The following ARHGAP32 variants were observed in gnomAD, a reference collection of about 807,000 sequenced individuals.
ARHGAP32 encodes Rho GTPase activating protein 32.
In ARHGAP32, 51 loss-of-function variants were observed where a neutral mutation model predicts 186.5. The ratio of observed to expected loss-of-function variants is 0.27; its 90% confidence interval spans 0.22 to 0.35. ARHGAP32 has a LOEUF of 0.35. ARHGAP32 is among the 10% of genes least tolerant of loss of function. The pLI is 1.00. For missense variants in ARHGAP32, 2,186 were observed against 2,623.5 expected (o/e 0.83, Z 3.64); for synonymous variants, 950 against 964.3 (o/e 0.99, Z 0.27).
chr11:129,139,704 C>T (rs777016614), intron 2 of ARHGAP32, among the ~76,000 whole-genome samples: 34 of 152,224 alleles, frequency 2.2e-4, no homozygotes, highest in Non-Finnish European at 2.2e-4. Context: ...ACATGACTTG[C>T]TCCTCCTTGC....
At chr11:129,016,010 T>C (rs1378039282) in intron 11 of ARHGAP32, among the ~76,000 whole-genome samples, 1 of 152,256 alleles carries the variant, frequency 6.6e-6, no homozygotes, top group East Asian at 1.9e-4. Flanking sequence ...TTTATCAATA[T>C]ACACTCTAAT....
chr11:129,223,711 G>C (rs1416768101), intron 1 of ARHGAP32, among the ~76,000 whole-genome samples: 1 of 152,154 alleles, frequency 6.6e-6, no homozygotes, highest in Admixed American at 6.6e-5. Flanking sequence ...GTAAAAGACA[G>C]CTGATCCACA....
chr11:129,001,434 T>G (rs1273846318), intron 11 of ARHGAP32, among the ~76,000 whole-genome samples: 1 of 152,244 alleles, frequency 6.6e-6, no homozygotes, highest in African/African-American at 2.4e-5. Context: ...AATGGCTATT[T>G]GGATCTTTTG....
At chr11:129,063,089 G>C (rs1411983898) in intron 9 of ARHGAP32, among the ~76,000 whole-genome samples, 1 of 134,594 alleles carries the variant, frequency 7.4e-6, no homozygotes, top group Admixed American at 7.2e-5. Context: ...ATAAAACATA[G>C]TTAAGAACTT....
intron 10 of ARHGAP32, among the ~76,000 whole-genome samples, chr11:129,055,236 T>C (rs763845011): frequency 2.6e-5 from 4 of 152,244 alleles, no homozygotes; most frequent in Admixed American, 1.3e-4. Context: ...ACTAACTTTA[T>C]GTGTTGGACC....
intron 1 of ARHGAP32, among the ~76,000 whole-genome samples, chr11:129,263,935 T>C (rs1275148105): frequency 6.6e-6 from 1 of 152,188 alleles, no homozygotes; most frequent in Admixed American, 6.5e-5. Flanking sequence ...GGTATTTGCA[T>C]ACTCATGTTC....
chr11:129,043,606 G>A (rs765805896), intron 10 of ARHGAP32, among the ~76,000 whole-genome samples: 36 of 151,754 alleles, frequency 2.4e-4, no homozygotes, highest in Non-Finnish European at 1.5e-4. Context: ...CAGGCTGGTC[G>A]TGAACTCCCA....
At chr11:129,207,429 T>C (rs1944528109) in intron 1 of ARHGAP32, among the ~76,000 whole-genome samples, 1 of 152,230 alleles carries the variant, frequency 6.6e-6, no homozygotes. Flanking sequence ...ATGATCGCCA[T>C]TCTAACTAGC....
intron 11 of ARHGAP32, among the ~76,000 whole-genome samples, chr11:129,016,999 T>C (rs1271692832): frequency 1.3e-5 from 2 of 152,218 alleles, no homozygotes; most frequent in Non-Finnish European, 2.9e-5. Flanking sequence ...CTAAATTACA[T>C]TTTCTAATCA....
Position 129,032,327 on chromosome 11 carries a change from C to T in ARHGAP32, c.1045+8601G>A, listed in dbSNP as rs552076310. 1.2e-3 allele frequency among the ~76,000 whole-genome samples: 182 copies of T among 152,360 alleles called. 3 individuals carry two copies. The highest frequency in any genetic ancestry group is 4.3e-3 in the African/African-American group (178 of 41,592). ...GTGCTCATCCTTGCCTCTGCACCCA[C>T]TCACCTGCGTGCTGCCCCTGAGCTT... On this transcript the variant is annotated intron_variant, in intron 11 of 22. Coordinates refer to ENST00000682385, the MANE Select transcript of ARHGAP32 (RefSeq NM_001378024.1).
At chr11:129,117,531 TAGAA>T (rs1402825941) in intron 5 of ARHGAP32, among the ~76,000 whole-genome samples, 1 of 151,960 alleles carries the variant, frequency 6.6e-6, no homozygotes, top group Non-Finnish European at 1.5e-5. Context: ...CATGTAATGA[TAGAA>T]AGCCATGACA....
chr11:129,200,267 T>C (rs1189225448), intron 1 of ARHGAP32, among the ~76,000 whole-genome samples: 1 of 152,158 alleles, frequency 6.6e-6, no homozygotes, highest in Admixed American at 6.5e-5. Flanking sequence ...AATGTAAGGA[T>C]ACAAGATGTG....
intron 2 of ARHGAP32, 36 bp from the exon 3 acceptor site, chr11:129,124,930 C>A: frequency 6.7e-7 from 1 of 1,493,474 alleles, no homozygotes; most frequent in African/African-American, 1.4e-5. Context: ...ATGGCTATTA[C>A]TTTAGTATTA....
intron 2 of ARHGAP32, among the ~76,000 whole-genome samples, chr11:129,150,769 A>G (rs1302337156): frequency 2.0e-5 from 3 of 152,162 alleles, no homozygotes; most frequent in African/African-American, 7.2e-5. Flanking sequence ...AACCTCCTTA[A>G]AGCATAAATT....
chr11:129,239,169 GCCCTC>G (rs1944982935), intron 1 of ARHGAP32, among the ~76,000 whole-genome samples: 2 of 152,092 alleles, frequency 1.3e-5, no homozygotes, highest in Admixed American at 1.3e-4. Context: ...ATTTTTCTAA[GCCCTC>G]GCATATTGTA....
intron 2 of ARHGAP32, among the ~76,000 whole-genome samples, chr11:129,143,633 G>C (rs912560492): frequency 8.6e-6 from 1 of 115,812 alleles, no homozygotes; most frequent in Non-Finnish European, 2.1e-5. Context: ...CAAAGCACAA[G>C]AGGAGTGATG....
intron 21 of ARHGAP32, chr11:128,973,853 G>A (rs1205146793): frequency 5.6e-6 from 3 of 536,996 alleles, no homozygotes; most frequent in South Asian, 3.2e-5. Flanking sequence ...CAAGAGCTAC[G>A]CAGTTGTGCA....
chr11:129,158,411 A>G (rs1943460030), intron 2 of ARHGAP32, among the ~76,000 whole-genome samples: 1 of 151,752 alleles, frequency 6.6e-6, no homozygotes. Context: ...AAAAAAAAAA[A>G]GCAGAGAATG....
chr11:129,076,141 CAAG>C (rs1941036697), intron 6 of ARHGAP32, among the ~76,000 whole-genome samples: 1 of 152,198 alleles, frequency 6.6e-6, no homozygotes, highest in African/African-American at 2.4e-5. Flanking sequence ...ATAACAACGT[CAAG>C]AAGTTACCCT....
Sources: allele counts gnomAD v4.1 joint callset (sites outside exome capture counted in the v4.1 genomes callset), GRCh38; gene constraint gnomAD v4.1.1; transcripts MANE v1.5; gene names NCBI Gene and HGNC (gene_info 2026-07-23, HGNC 2026-07-21).